The following SUGCT variants were observed in gnomAD, a reference collection of about 807,000 sequenced individuals.
SUGCT encodes the protein succinyl-CoA:glutarate CoA-transferase.
SUGCT carries 41 observed loss-of-function variants against 55.0 expected under a neutral mutation model. The ratio of observed to expected loss-of-function variants is 0.74; its 90% confidence interval spans 0.58 to 0.97. The LOEUF (loss-of-function observed/expected upper bound fraction) is 0.97, where lower values mean the gene tolerates loss of function less well. Among genes scored for constraint, SUGCT ranks in the 50% least tolerant of loss-of-function variants. The probability of loss-of-function intolerance (pLI) is 0.00; values close to 1 mark genes in which losing one functional copy is unlikely to be tolerated. For synonymous variants in SUGCT, 187 were observed against 200.4 expected, an observed-to-expected ratio of 0.93 and a Z score of 0.56; for missense variants, 568 against 547.8, an observed-to-expected ratio of 1.04 and a Z score of -0.37.
intron 9 of SUGCT, among the ~76,000 whole-genome samples, chr7:40,347,106 G>C (rs1011699371): frequency 9.8e-5 from 15 of 152,330 alleles, no homozygotes; most frequent in African/African-American, 3.6e-4. Flanking sequence ...GGAAGAGTTT[G>C]AGGTGCATGA....
chr7:40,955,907 T>A, the SUGCT span, among the ~76,000 whole-genome samples: 1 of 152,318 alleles, frequency 6.6e-6, no homozygotes, highest in East Asian at 1.9e-4. Flanking sequence ...TTGTCATTGA[T>A]TCTGTTTATG....
At chr7:40,269,714 G>T (rs1791877860) in intron 7 of SUGCT, among the ~76,000 whole-genome samples, 1 of 152,156 alleles carries the variant, frequency 6.6e-6, no homozygotes, top group Non-Finnish European at 1.5e-5. Flanking sequence ...GATGGCTAAT[G>T]ATATTAAGCA....
chr7:40,545,452 C>A (rs993504708), intron 12 of SUGCT, among the ~76,000 whole-genome samples: 4 of 152,140 alleles, frequency 2.6e-5, no homozygotes, highest in Non-Finnish European at 5.9e-5. Flanking sequence ...TTGTCTATTG[C>A]ATTTTTCCTG....
chr7:40,638,839 T>G (rs960029657), intron 12 of SUGCT, among the ~76,000 whole-genome samples: 4 of 152,074 alleles, frequency 2.6e-5, no homozygotes, highest in African/African-American at 9.7e-5. Flanking sequence ...AGAAATGATG[T>G]AGGTGGGACG....
At chr7:40,223,032 T>A (rs1318147907) in intron 6 of SUGCT, among the ~76,000 whole-genome samples, 1 of 151,038 alleles carries the variant, frequency 6.6e-6, no homozygotes, top group Non-Finnish European at 1.5e-5. Context: ...CTTCCTTCCT[T>A]CCTTCCTTCC....
chr7:40,606,479 G>A (rs944204083), intron 12 of SUGCT, among the ~76,000 whole-genome samples: 14 of 152,152 alleles, frequency 9.2e-5, no homozygotes, highest in African/African-American at 2.7e-4. Flanking sequence ...TCCAGGAAGC[G>A]TCTTTGTGTG....
chr7:40,838,970 G>A (rs1000668827), intron 13 of SUGCT, among the ~76,000 whole-genome samples: 5 of 147,706 alleles, frequency 3.4e-5, no homozygotes, highest in African/African-American at 1.2e-4. Context: ...TCACATGTAG[G>A]TGTTGTATTA....
chr7:40,167,163 C>A (rs1784462923), intron 1 of SUGCT, among the ~76,000 whole-genome samples: 1 of 152,124 alleles, frequency 6.6e-6, no homozygotes, highest in South Asian at 2.1e-4. Context: ...AATGTATAAA[C>A]AAATGTGGTA....
At chr7:40,473,678 A>G (rs537533543) in intron 11 of SUGCT, among the ~76,000 whole-genome samples, 2 of 152,156 alleles carry the variant, frequency 1.3e-5, no homozygotes, top group Non-Finnish European at 2.9e-5. Flanking sequence ...AGGGACAAGT[A>G]ATTGTTTTCT....
At chr7:40,956,704 G>C in the SUGCT span, among the ~76,000 whole-genome samples, 2 of 151,892 alleles carry the variant, frequency 1.3e-5, no homozygotes, top group African/African-American at 4.8e-5. Context: ...TTTTAATTGT[G>C]ATGTTAGGGG....
At chr7:40,340,701 C>G (rs1200489389) in intron 9 of SUGCT, among the ~76,000 whole-genome samples, 1 of 152,066 alleles carries the variant, frequency 6.6e-6, no homozygotes, top group Non-Finnish European at 1.5e-5. Context: ...GCCAGTCCGG[C>G]TATAAAGGAA....
the SUGCT span, among the ~76,000 whole-genome samples, chr7:40,940,807 C>G: frequency 6.6e-6 from 1 of 151,652 alleles, no homozygotes; most frequent in Non-Finnish European, 1.5e-5. Flanking sequence ...TCTGGACAAT[C>G]TTTAGAGTTT....
intron 13 of SUGCT, among the ~76,000 whole-genome samples, chr7:40,836,545 A>G (rs1325308544): frequency 2.0e-5 from 3 of 152,186 alleles, no homozygotes; most frequent in Non-Finnish European, 4.4e-5. Flanking sequence ...CCCGTGATCA[A>G]TGTATAGAAC....
intron 13 of SUGCT, among the ~76,000 whole-genome samples, chr7:40,787,188 A>G (rs1379076274): frequency 6.6e-6 from 1 of 152,206 alleles, no homozygotes; most frequent in Non-Finnish European, 1.5e-5. Context: ...CCTTCCAGCA[A>G]GAACAGTAAG....
chr7:40,456,890 G>A (rs761294610), intron 10 of SUGCT, among the ~76,000 whole-genome samples: 11 of 152,104 alleles, frequency 7.2e-5, no homozygotes, highest in Non-Finnish European at 1.2e-4. Context: ...AGAGGTAATA[G>A]CGCCATATTG....
At chr7:40,930,640 C>T in the SUGCT span, among the ~76,000 whole-genome samples, 30 of 152,106 alleles carry the variant, frequency 2.0e-4, no homozygotes, top group Non-Finnish European at 3.5e-4. Context: ...CCTTCACATC[C>T]CTTGTAAGTT....
chr7:40,223,991 A>G (rs1440669154), intron 6 of SUGCT, among the ~76,000 whole-genome samples: 1 of 152,134 alleles, frequency 6.6e-6, no homozygotes, highest in East Asian at 1.9e-4. Flanking sequence ...TAGTGCTGCT[A>G]TTTGGAGTGT....
chr7:40,282,241 G>A (rs1451370563), intron 8 of SUGCT, among the ~76,000 whole-genome samples: 1 of 152,058 alleles, frequency 6.6e-6, no homozygotes, highest in African/African-American at 2.4e-5. Context: ...GCTAAGGTGG[G>A]CGAATCATTT....
At chr7:40,746,633 A>G (rs770659309) in intron 12 of SUGCT, among the ~76,000 whole-genome samples, 4 of 152,050 alleles carry the variant, frequency 2.6e-5, no homozygotes, top group African/African-American at 4.8e-5. Context: ...ATAGACAGCA[A>G]TCGGCATAGG....
Sources: gnomAD v4.1 joint callset for allele counts (sites outside exome capture counted in the v4.1 genomes callset) on GRCh38, gnomAD v4.1.1 for gene constraint, MANE v1.5 for transcripts, NCBI Gene and HGNC (gene_info 2026-07-23, HGNC 2026-07-21) for gene names.